Variants in HMG20B observed in about 807,000 individuals in gnomAD.
The protein encoded by HMG20B is high mobility group 20B.
In HMG20B, 24 loss-of-function variants were observed where a neutral mutation model predicts 41.6. The observed-to-expected ratio is 0.58, with a 90% CI of 0.42 to 0.81. HMG20B has a LOEUF of 0.81. HMG20B is among the 30% of genes least tolerant of loss of function. The pLI, the probability that HMG20B is intolerant of heterozygous loss-of-function variation, is 0.00. For missense variants in HMG20B, 461 were observed against 444.0 expected (o/e 1.04, Z -0.34); for synonymous variants, 251 against 186.6 (o/e 1.34, Z -2.81).
rs1166581698 is a variant in HMG20B, at chr19:3,575,528, G to C, written c.352-12G>C. On this transcript the variant is annotated splice_polypyrimidine_tract_variant and intron_variant, in intron 4 of 9. Coordinates refer to ENST00000333651, the MANE Select transcript of HMG20B (RefSeq NM_006339.3). ...CTTCCCCTGCTTCAAGCCTTCTGGT[G>C]CTGCCCCCCAGCGGTACCTGGATGA... 3.2e-6 allele frequency: 5 copies of C among 1,562,764 alleles called. No individual in the cohort carries two copies. The highest frequency in any genetic ancestry group is 4.3e-6 in the Non-Finnish European group (5 of 1,154,240).
chr19:3,575,400 C>T (rs1444633649), intron 4 of HMG20B, 140 bp from the exon 5 acceptor site: 3 of 1,395,764 alleles, frequency 2.1e-6, no homozygotes, highest in South Asian at 1.4e-5. Flanking sequence ...GGCTGAGGAG[C>T]CGGTTCTGTC....
At chr19:3,574,276 GC>G in intron 3 of HMG20B, 106 bp from the exon 4 acceptor site, 1 of 792,176 alleles carries the variant, frequency 1.3e-6, no homozygotes. Flanking sequence ...TCCCAGCTAG[GC>G]CCCGCCCCCA....
At chr19:3,577,860 C>G (rs1488226295) in intron 8 of HMG20B, 121 bp from the exon 9 acceptor site, 2 of 861,318 alleles carry the variant, frequency 2.3e-6, no homozygotes, top group Non-Finnish European at 3.5e-6. Flanking sequence ...CCTGCGCTGG[C>G]GGTGTCCGGA....
Position 3,579,054 on chromosome 19 carries a change from A to C in HMG20B, c.*533A>C. The C allele has an allele frequency of 3.0e-6, 1 of 335,784 alleles. No homozygotes were observed. Among genetic ancestry groups the C allele is most frequent in the South Asian group, 2.3e-5 (1 of 43,146 alleles). 20.8% of individuals were successfully genotyped at this position (335,784 alleles called of 1,614,324 possible). A position where few individuals can be genotyped will look rare whatever the true frequency, so the allele number is the denominator to read the frequency against. Reference sequence around the variant, plus strand: ...TCTCACTGCTGGATCCGGACTTTTTAAATAAAAACAAGTAAAATTTGTGTT... The same window carrying C: ...TCTCACTGCTGGATCCGGACTTTTTCAATAAAAACAAGTAAAATTTGTGTT... On this transcript the variant is annotated 3_prime_UTR_variant, in exon 10 of 10. Transcript: ENST00000333651. The surrounding 1 kb of genome is among the most constrained non-coding windows in gnomAD (Gnocchi z 7.4).
intron 4 of HMG20B, among the ~76,000 whole-genome samples, chr19:3,574,805 G>A (rs1220091314): frequency 6.0e-5 from 9 of 149,478 alleles, no homozygotes; most frequent in African/African-American, 1.2e-4. Flanking sequence ...TGCAACCTCC[G>A]CCTCCCGGCT....
At chr19:3,576,485 G>A (rs2032164845) in intron 6 of HMG20B, 68 bp from the exon 7 acceptor site, 2 of 1,470,020 alleles carry the variant, frequency 1.4e-6, no homozygotes, top group African/African-American at 1.4e-5. Flanking sequence ...TCCTAGGCTT[G>A]GGGCACACCC....
At position 3,576,999 on chromosome 19, in the gene HMG20B, C is replaced by T. The variant is rs1442823287; in HGVS notation, c.700C>T (p.Leu234=). 18 of 1,562,166 alleles carry T rather than the reference C, an allele frequency of 1.2e-5. No individual in the cohort carries two copies. Among genetic ancestry groups the T allele is most frequent in the Non-Finnish European group, 1.4e-5 (16 of 1,154,712 alleles). Reference sequence around the variant, plus strand: ...GAGCATGAGCAGCGCGCGCGAGCGTCTGGAGCAGGAGCTGGCGCTGGAGGA... The same window carrying T: ...GAGCATGAGCAGCGCGCGCGAGCGTTTGGAGCAGGAGCTGGCGCTGGAGGA... ...TQSMSSARER[L]EQELALEERR... Residue 234 remains leucine (L), a synonymous_variant, in exon 8 of 10, where the codon CTG becomes TTG. Transcript: ENST00000333651.
In HMG20B at chr19:3,578,653, C is replaced by T; in HGVS notation, c.*132C>T. ...TCCTGCACCTTGGGGGCTCCAGCCC[C>T]CCTAAAATTAAATTTCTGCAGCATC... On this transcript the variant is annotated 3_prime_UTR_variant, in exon 10 of 10. Transcript: ENST00000333651. The T allele has an allele frequency of 8.3e-7, 1 of 1,210,290 alleles. No homozygotes were observed. Among genetic ancestry groups the T allele is most frequent in the Non-Finnish European group, 1.2e-6 (1 of 837,638 alleles). The allele number at this position is 1,210,290 out of a possible 1,614,324, so 75.0% of individuals were successfully genotyped here.
chr19:3,574,276 G>GCC, intron 3 of HMG20B, 107 bp from the exon 4 acceptor site: 2 of 792,176 alleles, frequency 2.5e-6, no homozygotes, highest in Non-Finnish European at 4.1e-6. Flanking sequence ...TCCCAGCTAG[G>GCC]CCCCGCCCCC....
chr19:3,574,483 A>T lies in HMG20B; in HGVS notation c.248A>T (p.Glu83Val). 3.1e-6 allele frequency: 5 copies of T among 1,608,216 alleles called. No homozygotes were observed. The highest frequency in any genetic ancestry group is 4.2e-6 in the Non-Finnish European group (5 of 1,178,216). The change falls in exon 4 of 10, where the codon GAG (glutamate) becomes GTG (valine). Residue 83 changes from glutamate to valine, a missense_variant. Around this residue, in one of 3 missense-constraint regions of HMG20B, gnomAD observed 49 missense variants for 84.1 expected, o/e 0.58. Transcript: ENST00000333651. ...ACGGGCTACGTGCGCTTCCTGAACG[A>T]GCGGCGCGAGCAGATCCGCACGCGC... Reference protein sequence around the residue: ...PVTGYVRFLNERREQIRTRHP... With the variant: ...PVTGYVRFLNVRREQIRTRHP...
In HMG20B at chr19:3,574,602, C is replaced by A; in HGVS notation, c.351+16C>A. The A allele has an allele frequency of 6.3e-7, 1 of 1,575,556 alleles. No individual in the cohort carries two copies. The highest frequency in any genetic ancestry group is 1.1e-5 in the South Asian group (1 of 87,210). On this transcript the variant is annotated intron_variant, in intron 4 of 9. Transcript: ENST00000333651. ...GGAAAAGCAGGTGGGCGGGGCGGGG[C>A]GCCGAGCAGGGCTGGCGGGGTCCAC...
In HMG20B at chr19:3,578,499, C is replaced by A; in HGVS notation, c.942-10C>A. On this transcript the variant is annotated splice_polypyrimidine_tract_variant and intron_variant, in intron 9 of 9. Coordinates refer to ENST00000333651, the MANE Select transcript of HMG20B (RefSeq NM_006339.3). ...AGGGCCTCATCCCGGGCCCTCCTCT[C>A]TCGTTTCAGCGAGCACCTGTGAGGA... 6.5e-7 allele frequency: 1 copy of A among 1,543,074 alleles called. No individual in the cohort carries two copies. Among genetic ancestry groups the A allele is most frequent in the South Asian group, 1.2e-5 (1 of 81,970 alleles).
intron 7 of HMG20B, 43 bp from the exon 8 acceptor site, chr19:3,576,849 G>T (rs768272654): frequency 4.5e-6 from 7 of 1,544,504 alleles, no homozygotes; most frequent in Non-Finnish European, 5.2e-6. Flanking sequence ...GGAGGTAGGG[G>T]AAAGGGGAGG....
chr19:3,577,066 G>T lies in HMG20B; in HGVS notation c.767G>T (p.Arg256Leu), dbSNP rs1241361882. ...CTGCAGCAGCAGCTCCAGGCCGTGC[G>T]CCAGGCGCTCACCGCCAGCTTCGCC... ...LALQQQLQAV[R>L]QALTASFASL... Residue 256 changes from arginine (R) to leucine (L), a missense_variant, in exon 8 of 10, where the codon CGC becomes CTC. Physicochemically the swap from Arg to Leu is moderately radical, Grantham distance 102 (BLOSUM62 -2). Transcript: ENST00000333651. 1 of 1,542,880 alleles carries T rather than the reference G, an allele frequency of 6.5e-7. No homozygotes were observed. The highest frequency in any genetic ancestry group is 2.5e-5 in the East Asian group (1 of 40,810).
rs369583098 is a variant in HMG20B, at chr19:3,578,806, C to T, written c.*285C>T. Reference sequence around the variant, plus strand: ...ACAGCCACGCGCTACACTGGCTCTCCGGGCCACCCCCAGGACACAGGGCAG... The same window carrying T: ...ACAGCCACGCGCTACACTGGCTCTCTGGGCCACCCCCAGGACACAGGGCAG... On this transcript the variant is annotated 3_prime_UTR_variant, in exon 10 of 10. Transcript: ENST00000333651. The T allele has an allele frequency of 2.1e-4, 149 of 707,934 alleles. No individual in the cohort carries two copies. Among genetic ancestry groups the T allele is most frequent in the African/African-American group, 1.9e-3 (109 of 57,838 alleles). 43.9% of individuals were successfully genotyped at this position (707,934 alleles called of 1,614,324 possible). A position where few individuals can be genotyped will look rare whatever the true frequency, so the allele number is the denominator to read the frequency against.
At chr19:3,576,236 C>T in intron 5 of HMG20B, 25 bp from the exon 6 acceptor site, 4 of 1,612,364 alleles carry the variant, frequency 2.5e-6, no homozygotes, top group Non-Finnish European at 3.4e-6. Context: ...GGGAGGCTGA[C>T]CCTGCCCTTC....
intron 4 of HMG20B, 95 bp downstream of exon 4, chr19:3,574,681 C>A (rs1334635986): frequency 2.6e-6 from 3 of 1,175,808 alleles, no homozygotes; most frequent in African/African-American, 3.1e-5. Context: ...CAGGGTTTTT[C>A]CTTCTTCCTG....
rs1050290572 is a variant in HMG20B, at chr19:3,578,108, C to A, written c.936C>A (p.Val312=). 2 of 1,610,868 alleles carry A rather than the reference C, an allele frequency of 1.2e-6. No individual in the cohort carries two copies. The highest frequency in any genetic ancestry group is 1.7e-6 in the Non-Finnish European group (2 of 1,179,320). ...GCATCAAGGAAATCCTGGCCCAGGT[C>A]GCCAGGTGTGTGCCGGGCGAGGCGG... ...IVRIKEILAQ[V]ASEHL Residue 312 remains valine (V), a synonymous_variant, in exon 9 of 10, where the codon GTC becomes GTA. Transcript: ENST00000333651.
At chr19:3,577,605 C>T (rs1260281371) in intron 8 of HMG20B, among the ~76,000 whole-genome samples, 1 of 131,098 alleles carries the variant, frequency 7.6e-6, no homozygotes, top group East Asian at 2.3e-4. Flanking sequence ...ACCCCACCTC[C>T]CCACGCCCCC....
Sources: gnomAD v4.1 joint callset for allele counts (sites outside exome capture counted in the v4.1 genomes callset) on GRCh38, gnomAD v4.1.1 for gene constraint, gnomAD v4.1.1 regional missense constraint, Gnocchi (gnomAD v3.1) non-coding constraint, MANE v1.5 for transcripts, NCBI Gene and HGNC (gene_info 2026-07-23, HGNC 2026-07-21) for gene names.